ADAMTS19: variants seen among roughly 807,000 people sequenced by gnomAD.
The protein encoded by ADAMTS19 is A disintegrin and metalloproteinase with thrombospondin motifs 19.
Under a neutral mutation model 153.3 loss-of-function variants are expected in ADAMTS19, and 93 were observed. The observed-to-expected ratio is 0.61, with a 90% confidence interval of 0.51 to 0.72. ADAMTS19 has a LOEUF of 0.72. ADAMTS19 is among the 30% of genes least tolerant of loss of function. The probability of loss-of-function intolerance (pLI) is 0.00; values close to 1 mark genes in which losing one functional copy is unlikely to be tolerated. For missense variants in ADAMTS19, 1,482 were observed against 1,552.1 expected, an observed-to-expected ratio of 0.95 and a Z score of 0.76; for synonymous variants, 600 against 556.6, an observed-to-expected ratio of 1.08 and a Z score of -1.10.
At chr5:129,507,661 CGTGTGTGT>C (rs71749669) in intron 2 of ADAMTS19, among the ~76,000 whole-genome samples, 1 of 142,284 alleles carries the variant, frequency 7.0e-6, no homozygotes, top group Non-Finnish European at 1.6e-5. Context: ...TGCCTGTGTA[CGTGTGTGT>C]GTGTGTGTGT....
intron 11 of ADAMTS19, among the ~76,000 whole-genome samples, chr5:129,642,908 C>T (rs533935096): frequency 6.6e-6 from 1 of 152,242 alleles, no homozygotes; most frequent in South Asian, 2.1e-4. Flanking sequence ...CACACACTCA[C>T]ACATGCACAC....
intron 16 of ADAMTS19, among the ~76,000 whole-genome samples, chr5:129,673,722 A>T (rs1259584024): frequency 1.3e-5 from 2 of 152,088 alleles, no homozygotes; most frequent in East Asian, 3.9e-4. Flanking sequence ...TTTTCAACTA[A>T]AATTGTGGAT....
At chr5:129,509,006 T>G (rs1751349303) in intron 2 of ADAMTS19, 71 bp from the exon 3 acceptor site, 1 of 1,287,728 alleles carries the variant, frequency 7.8e-7, no homozygotes, top group African/African-American at 1.5e-5. Flanking sequence ...ACAGAATGTA[T>G]GAATGGAAGA....
intron 2 of ADAMTS19, among the ~76,000 whole-genome samples, chr5:129,463,201 A>G (rs942239257): frequency 1.3e-5 from 2 of 152,142 alleles, no homozygotes; most frequent in Non-Finnish European, 2.9e-5. Flanking sequence ...ACATATAGAA[A>G]GTTCCTGGTG....
chr5:129,558,850 T>A (rs1472049914), intron 7 of ADAMTS19, among the ~76,000 whole-genome samples: 1 of 152,100 alleles, frequency 6.6e-6, no homozygotes, highest in Non-Finnish European at 1.5e-5. Flanking sequence ...GTTAAGTTGG[T>A]TATTCACATG....
intron 8 of ADAMTS19, among the ~76,000 whole-genome samples, chr5:129,607,467 C>T (rs1327267076): frequency 1.3e-5 from 2 of 152,110 alleles, no homozygotes; most frequent in Non-Finnish European, 2.9e-5. Flanking sequence ...GAATGCTCAT[C>T]TGTTGGTCAT....
chr5:129,679,637 A>T, intron 16 of ADAMTS19, 127 bp from the exon 17 acceptor site: 1 of 874,066 alleles, frequency 1.1e-6, no homozygotes, highest in Non-Finnish European at 1.7e-6. Context: ...CTCAAGTTTT[A>T]CATCAGGGAA....
chr5:129,467,640 A>G (rs1359483084), intron 2 of ADAMTS19, among the ~76,000 whole-genome samples: 1 of 152,222 alleles, frequency 6.6e-6, no homozygotes, highest in Non-Finnish European at 1.5e-5. Flanking sequence ...CCAGAGGATC[A>G]GGTAACTTCA....
chr5:129,483,184 C>T (rs1324608596), intron 2 of ADAMTS19, among the ~76,000 whole-genome samples: 1 of 152,098 alleles, frequency 6.6e-6, no homozygotes, highest in East Asian at 1.9e-4. Context: ...TATGAGAACA[C>T]AATAATTTAT....
At chr5:129,605,274 A>G (rs934215691) in intron 8 of ADAMTS19, among the ~76,000 whole-genome samples, 2 of 151,374 alleles carry the variant, frequency 1.3e-5, no homozygotes. Context: ...CCCAGCCCAC[A>G]CCACAGCCCA....
rs769831282 is a variant in ADAMTS19, at chr5:129,737,838, G to A, written c.*620G>A. 3 of 152,462 alleles carry A rather than the reference G, an allele frequency of 2.0e-5. No homozygotes were observed. Among genetic ancestry groups the A allele is most frequent in the Non-Finnish European group, 4.4e-5 (3 of 67,992 alleles). 9.4% of individuals were successfully genotyped at this position (152,462 alleles called of 1,614,324 possible). On this transcript the variant is annotated 3_prime_UTR_variant, in exon 23 of 23. Coordinates refer to ENST00000274487, the MANE Select transcript of ADAMTS19 (RefSeq NM_133638.6). ...AAGTCAAAATAGAGACTTTGATCAT[G>A]TTCATGAACATGTACTTGAACACAA...
chr5:129,490,850 G>A (rs944021185), intron 2 of ADAMTS19, among the ~76,000 whole-genome samples: 2 of 151,832 alleles, frequency 1.3e-5, no homozygotes, highest in Non-Finnish European at 2.9e-5. Flanking sequence ...GTTGTTTTTC[G>A]ATTTTTTTTT....
intron 6 of ADAMTS19, among the ~76,000 whole-genome samples, chr5:129,537,361 G>A (rs551111474): frequency 1.2e-3 from 186 of 152,156 alleles, no homozygotes; most frequent in African/African-American, 3.2e-3. Context: ...TGTGGAAGTC[G>A]GTGTTGCGAT....
chr5:129,683,934 A>G (rs1754944867), intron 17 of ADAMTS19, among the ~76,000 whole-genome samples, 186 bp from the exon 18 acceptor site: 1 of 151,172 alleles, frequency 6.6e-6, no homozygotes, highest in African/African-American at 2.4e-5. Flanking sequence ...GGCAATATCT[A>G]CATTTAAGAA....
At chr5:129,615,414 TA>T (rs2126965368) in intron 8 of ADAMTS19, among the ~76,000 whole-genome samples, 1 of 152,126 alleles carries the variant, frequency 6.6e-6, no homozygotes, top group East Asian at 1.9e-4. Flanking sequence ...AAGAATCATC[TA>T]AAAATGTATC....
At chr5:129,532,118 T>TA (rs929740101) in intron 6 of ADAMTS19, among the ~76,000 whole-genome samples, 3 of 151,580 alleles carry the variant, frequency 2.0e-5, no homozygotes, top group Admixed American at 6.6e-5. Flanking sequence ...TTAGATAGGG[T>TA]AAAAAAAAGT....
chr5:129,510,590 T>C (rs535572267), intron 3 of ADAMTS19, among the ~76,000 whole-genome samples: 131 of 151,742 alleles, frequency 8.6e-4, no homozygotes, highest in African/African-American at 2.9e-3. Flanking sequence ...TATTGGGAAA[T>C]GATAAAAACG....
chr5:129,703,074 T>C (rs889251373), intron 20 of ADAMTS19, among the ~76,000 whole-genome samples: 2 of 150,200 alleles, frequency 1.3e-5, no homozygotes, highest in Non-Finnish European at 3.0e-5. Flanking sequence ...ATTACTTATT[T>C]GTGCAAGATT....
At chr5:129,736,024 T>C (rs1411586298) in intron 22 of ADAMTS19, among the ~76,000 whole-genome samples, 2 of 152,086 alleles carry the variant, frequency 1.3e-5, no homozygotes, top group Non-Finnish European at 2.9e-5. Flanking sequence ...AAGCTTGGTT[T>C]CTTCGAAATA....
Sources: gnomAD v4.1 joint callset for allele counts (sites outside exome capture counted in the v4.1 genomes callset) on GRCh38, gnomAD v4.1.1 for gene constraint, MANE v1.5 for transcripts, NCBI Gene and HGNC (gene_info 2026-07-23, HGNC 2026-07-21) for gene names.